Variants in AGPAT4 observed in about 807,000 individuals in gnomAD.
AGPAT4 encodes 1-acyl-sn-glycerol-3-phosphate acyltransferase delta.
A neutral mutation model predicts 48.0 loss-of-function variants in AGPAT4; 15 were observed. That is an observed-to-expected ratio of 0.31 (90% CI 0.21 to 0.48). AGPAT4 has a LOEUF of 0.48. AGPAT4 is among the 20% of genes least tolerant of loss of function. AGPAT4 has a pLI of 0.99. For synonymous variants in AGPAT4, 178 were observed against 198.7 expected, an observed-to-expected ratio of 0.90 and a Z score of 0.88; for missense variants, 314 against 482.5, an observed-to-expected ratio of 0.65 and a Z score of 3.27.
Position 161,166,799 on chromosome 6 carries a change from T to A in AGPAT4, c.179-382A>T, listed in dbSNP as rs1562320862. On this transcript the variant is annotated intron_variant, in intron 2 of 8. Transcript: ENST00000320285. This position sits in a 1 kb window ranked among gnomAD's most constrained non-coding sequence, Gnocchi z 6.7. ...CTTAATATCCTGGAAAATGACTAAT[T>A]GGGATACTTATAAACTCCATCAAAG... 6.6e-6 allele frequency among the ~76,000 whole-genome samples: 1 copy of A among 152,092 alleles called. No homozygotes were observed. The highest frequency in any genetic ancestry group is 1.5e-5 in the Non-Finnish European group (1 of 68,010).
rs764888649 is a variant in AGPAT4 at position 161,234,936 on chromosome 6, T to C, written c.-89-2634A>G. On this transcript the variant is annotated intron_variant, in intron 1 of 8. Transcript: ENST00000320285. The surrounding 1 kb of genome is among the most constrained non-coding windows in gnomAD (Gnocchi z 4.4). ...ATTTTACCGTGCGTAAAACCCTCAC[T>C]AGCAATGCATGAACCAGGGTCTCAG... Among the ~76,000 whole-genome samples, 1 of 151,988 alleles carries C rather than the reference T, an allele frequency of 6.6e-6. No homozygotes were observed. The highest frequency in any genetic ancestry group is 1.5e-5 in the Non-Finnish European group (1 of 68,020).
In AGPAT4 at chr6:161,226,096, T is replaced by C. The variant is rs1781974449; in HGVS notation, c.178+5940A>G. The stretch of plus-strand genomic sequence containing the variant: ...ACTGATAAGGATGACTCTTTGGACC[T>C]TCAAAGAGGGGACCCAAATTTGAGG... On this transcript the variant is annotated intron_variant, in intron 2 of 8. Transcript: ENST00000320285. The surrounding 1 kb of genome is among the most constrained non-coding windows in gnomAD (Gnocchi z 6.3). 6.6e-6 allele frequency among the ~76,000 whole-genome samples: 1 copy of C among 152,140 alleles called. No homozygotes were observed. The highest frequency in any genetic ancestry group is 1.5e-5 in the Non-Finnish European group (1 of 68,028).
chr6:161,175,758 T>C (rs1780411363), intron 2 of AGPAT4, among the ~76,000 whole-genome samples: 1 of 152,236 alleles, frequency 6.6e-6, no homozygotes, highest in South Asian at 2.1e-4. Context: ...TTTCCTGCTT[T>C]CTCTTGTGGG....
At chr6:161,183,120 C>G (rs1490420866) in intron 2 of AGPAT4, among the ~76,000 whole-genome samples, 1 of 152,182 alleles carries the variant, frequency 6.6e-6, no homozygotes, top group Non-Finnish European at 1.5e-5. Flanking sequence ...AAACTCCCTT[C>G]CCATAGAGCA....
Position 161,259,258 on chromosome 6 carries a change from A to G in AGPAT4, c.-90+14680T>C, listed in dbSNP as rs187388825. On this transcript the variant is annotated intron_variant, in intron 1 of 8. Transcript: ENST00000320285. This position sits in a 1 kb window ranked among gnomAD's most constrained non-coding sequence, Gnocchi z 4.9. ...CTTATGATGAGAAAGTTTAAAATCT[A>G]TTCTTTTAGTAATGTTTAAATACAC... Among the ~76,000 whole-genome samples, 10 of 152,246 alleles carry G rather than the reference A, an allele frequency of 6.6e-5. No homozygotes were observed. Among genetic ancestry groups the G allele is most frequent in the African/African-American group, 1.2e-4 (5 of 41,552 alleles).
rs545057868 is a variant in AGPAT4 at position 161,216,947 on chromosome 6, T to C, written c.178+15089A>G. Among the ~76,000 whole-genome samples the C allele has an allele frequency of 2.6e-5, 4 of 152,328 alleles. No individual in the cohort carries two copies. The South Asian group carries it at 8.3e-4, about 32-fold the overall frequency. On this transcript the variant is annotated intron_variant, in intron 2 of 8. Coordinates refer to ENST00000320285, the MANE Select transcript of AGPAT4 (RefSeq NM_020133.3). This position sits in a 1 kb window ranked among gnomAD's most constrained non-coding sequence, Gnocchi z 4.8. The stretch of plus-strand genomic sequence containing the variant: ...AAACCTATCACCCAGTAATCCCTGC[T>C]TCTGTCTTAATTTGACTTTCCCCTC...
At chr6:161,156,734 A>G (rs1310454633) in intron 3 of AGPAT4, among the ~76,000 whole-genome samples, 4 of 152,266 alleles carry the variant, frequency 2.6e-5, no homozygotes, top group Non-Finnish European at 5.9e-5. Flanking sequence ...CATGATGGCC[A>G]TAACACCCAC....
At chr6:161,136,700 A>T in intron 8 of AGPAT4, 66 bp from the exon 9 acceptor site, 1 of 1,437,616 alleles carries the variant, frequency 7.0e-7, no homozygotes, top group African/African-American at 1.4e-5. Context: ...TTTCCCACAG[A>T]GCAAGTGAGA....
chr6:161,245,617 C>T lies in AGPAT4; in HGVS notation c.-89-13315G>A, dbSNP rs757617578. Among the ~76,000 whole-genome samples, 26 of 152,120 alleles carry T rather than the reference C, an allele frequency of 1.7e-4. No homozygotes were observed. The East Asian group carries it at 2.5e-3, about 15-fold the overall frequency. On this transcript the variant is annotated intron_variant, in intron 1 of 8. Coordinates refer to ENST00000320285, the MANE Select transcript of AGPAT4 (RefSeq NM_020133.3). This position sits in a 1 kb window ranked among gnomAD's most constrained non-coding sequence, Gnocchi z 5.2. ...GTTTAGGGGGACACAAGCAAGTGGCCGTTCATTTTCTTCTGCATCTCAGAT... is the reference window on the plus strand; with the variant it reads ...GTTTAGGGGGACACAAGCAAGTGGCTGTTCATTTTCTTCTGCATCTCAGAT...
rs1245595858 is a variant in AGPAT4, at chr6:161,229,940, C to T, written c.178+2096G>A. On this transcript the variant is annotated intron_variant, in intron 2 of 8. Coordinates refer to ENST00000320285, the MANE Select transcript of AGPAT4 (RefSeq NM_020133.3). This position sits in a 1 kb window ranked among gnomAD's most constrained non-coding sequence, Gnocchi z 6.0. ...ACCTGGATGGAGGTGCTTCTAGGTC[C>T]TTCAGTGACATTAGACTACCTACCC... 6.6e-6 allele frequency among the ~76,000 whole-genome samples: 1 copy of T among 152,112 alleles called. No individual in the cohort carries two copies. Among genetic ancestry groups the T allele is most frequent in the Admixed American group, 6.5e-5 (1 of 15,274 alleles).
In AGPAT4 at chr6:161,259,478, G is replaced by A. The variant is rs1334786195; in HGVS notation, c.-90+14460C>T. ...GTCTTTTGCAGGGCGGTCTGGAGTT[G>A]GTTGAGTCTAGAGTTAGTGAGTTTT... On this transcript the variant is annotated intron_variant, in intron 1 of 8. Transcript: ENST00000320285. This position sits in a 1 kb window ranked among gnomAD's most constrained non-coding sequence, Gnocchi z 4.9. 6.6e-6 allele frequency among the ~76,000 whole-genome samples: 1 copy of A among 151,954 alleles called. No homozygotes were observed. The highest frequency in any genetic ancestry group is 2.4e-5 in the African/African-American group (1 of 41,410).
intron 1 of AGPAT4, among the ~76,000 whole-genome samples, chr6:161,263,477 C>A (rs905576364): frequency 1.3e-5 from 2 of 151,914 alleles, no homozygotes; most frequent in African/African-American, 4.8e-5. Context: ...GACAACAGAG[C>A]GAGACTCTCT....
chr6:161,203,129 G>A (rs921251350), intron 2 of AGPAT4, among the ~76,000 whole-genome samples: 9 of 152,128 alleles, frequency 5.9e-5, no homozygotes, highest in African/African-American at 2.2e-4. Flanking sequence ...AATTCATGGG[G>A]TCATTTGTTC....
At chr6:161,170,464 T>TGCGC (rs143568421) in intron 2 of AGPAT4, among the ~76,000 whole-genome samples, 8 of 137,588 alleles carry the variant, frequency 5.8e-5, no homozygotes, top group Non-Finnish European at 1.1e-4. Context: ...CGTGCACACG[T>TGCGC]GCGCGCGCGC....
chr6:161,243,092 A>AT lies in AGPAT4; in HGVS notation c.-89-10791dup, dbSNP rs1263452738. Among the ~76,000 whole-genome samples, 1 of 152,136 alleles carries AT rather than the reference A, an allele frequency of 6.6e-6. No homozygotes were observed. Among genetic ancestry groups the AT allele is most frequent in the East Asian group, 1.9e-4 (1 of 5,180 alleles). On this transcript the variant is annotated intron_variant, in intron 1 of 8. Transcript: ENST00000320285. This position sits in a 1 kb window ranked among gnomAD's most constrained non-coding sequence, Gnocchi z 4.8. ...AAATTTTTTTTTAATTTAAAAAAAA[A>AT]TGAAACTTTTTCAAACATGGAAAGA... is the stretch of plus-strand genomic sequence containing the variant.
chr6:161,162,250 A>T (rs1779956029), intron 3 of AGPAT4, among the ~76,000 whole-genome samples: 1 of 152,220 alleles, frequency 6.6e-6, no homozygotes, highest in Non-Finnish European at 1.5e-5. Flanking sequence ...GCCTCCTGGC[A>T]CCCACGCCCC....
rs919592906 is a variant in AGPAT4, at chr6:161,240,648, C to T, written c.-89-8346G>A. Among the ~76,000 whole-genome samples the T allele has an allele frequency of 1.3e-5, 2 of 152,176 alleles. No individual in the cohort carries two copies. Among genetic ancestry groups the T allele is most frequent in the Non-Finnish European group, 2.9e-5 (2 of 68,030 alleles). Reference sequence around the variant, plus strand: ...CAGGACACAGAATCCCCAGGTACTGCGGTGCCCACAGAGGAGAGGGGAGTG... The same window carrying T: ...CAGGACACAGAATCCCCAGGTACTGTGGTGCCCACAGAGGAGAGGGGAGTG... On this transcript the variant is annotated intron_variant, in intron 1 of 8. Coordinates refer to ENST00000320285, the MANE Select transcript of AGPAT4 (RefSeq NM_020133.3). This position sits in a 1 kb window ranked among gnomAD's most constrained non-coding sequence, Gnocchi z 5.5.
rs1442598478 is a variant in AGPAT4 at position 161,240,219 on chromosome 6, TATACAC to T, written c.-89-7923_-89-7918del. Among the ~76,000 whole-genome samples the T allele has an allele frequency of 8.0e-4, 97 of 121,948 alleles. No individual in the cohort carries two copies. Among genetic ancestry groups the T allele is most frequent in the African/African-American group, 2.8e-3 (84 of 30,442 alleles). 80.0% of individuals were successfully genotyped at this position (121,948 alleles called of 152,430 possible). A position where few individuals can be genotyped will look rare whatever the true frequency, so the allele number is the denominator to read the frequency against. ...AACACTAACAGCAGATATCTTTGTG[TATACAC>T]ACACACACACACACACACACACACA... On this transcript the variant is annotated intron_variant, in intron 1 of 8. Coordinates refer to ENST00000320285, the MANE Select transcript of AGPAT4 (RefSeq NM_020133.3). This position sits in a 1 kb window ranked among gnomAD's most constrained non-coding sequence, Gnocchi z 5.5.
rs768024786 is a variant in AGPAT4, at chr6:161,178,534, G to C, written c.179-12117C>G. Among the ~76,000 whole-genome samples the C allele has an allele frequency of 6.6e-6, 1 of 152,164 alleles. No individual in the cohort carries two copies. The highest frequency in any genetic ancestry group is 1.5e-5 in the Non-Finnish European group (1 of 68,030). The stretch of plus-strand genomic sequence containing the variant: ...AATTTTCCAGGTGCCGTCTGTCACC[G>C]CTTCCCTTGGCTAGGAAAGGGAATT... On this transcript the variant is annotated intron_variant, in intron 2 of 8. Transcript: ENST00000320285. This position sits in a 1 kb window ranked among gnomAD's most constrained non-coding sequence, Gnocchi z 5.1.
Sources: gnomAD v4.1 joint callset for allele counts (sites outside exome capture counted in the v4.1 genomes callset) on GRCh38, gnomAD v4.1.1 for gene constraint, Gnocchi (gnomAD v3.1) non-coding constraint, MANE v1.5 for transcripts, NCBI Gene and HGNC (gene_info 2026-07-23, HGNC 2026-07-21) for gene names.